The following DCP1A variants were observed in gnomAD, a reference collection of about 807,000 sequenced individuals.
DCP1A encodes the protein decapping mRNA 1A, also known as mRNA-decapping enzyme 1A.
DCP1A carries 20 observed loss-of-function variants against 58.0 expected under a neutral mutation model. The observed-to-expected ratio is 0.34, with a 90% CI of 0.24 to 0.50. The LOEUF (loss-of-function observed/expected upper bound fraction) is 0.50. Among genes scored for constraint, DCP1A ranks in the 20% least tolerant of loss-of-function variants. The pLI, the probability that DCP1A is intolerant of heterozygous loss-of-function variation, is 0.98. For synonymous variants in DCP1A, 285 were observed against 275.1 expected (o/e 1.04, Z -0.36); for missense variants, 613 against 712.2 (o/e 0.86, Z 1.59).
At chr3:53,313,093 G>T (rs1707698035) in intron 4 of DCP1A, among the ~76,000 whole-genome samples, 1 of 151,834 alleles carries the variant, frequency 6.6e-6, no homozygotes, top group East Asian at 1.9e-4. Flanking sequence ...GGAAAGTTTG[G>T]ATTGACACTG....
chr3:53,297,213 T>C (rs1190049502), intron 6 of DCP1A, among the ~76,000 whole-genome samples: 2 of 152,180 alleles, frequency 1.3e-5, no homozygotes, highest in African/African-American at 2.4e-5. Flanking sequence ...TATTGGCCAT[T>C]TGTATACCTT....
intron 3 of DCP1A, among the ~76,000 whole-genome samples, chr3:53,326,761 C>T (rs1708113782): frequency 6.6e-6 from 1 of 152,210 alleles, no homozygotes; most frequent in Admixed American, 6.5e-5. Flanking sequence ...ACTGATTCTA[C>T]ATGATGGTGA....
chr3:53,312,399 T>A lies in DCP1A; in HGVS notation c.372-20A>T, dbSNP rs782748316. Reference sequence around the variant, plus strand: ...ACCACACTAGAGGAGAAGAACAAGGTTTTAGAAAGGCCTCTTGAAACAAAA... The same window carrying A: ...ACCACACTAGAGGAGAAGAACAAGGATTTAGAAAGGCCTCTTGAAACAAAA... On this transcript the variant is annotated intron_variant, in intron 4 of 9. Coordinates refer to ENST00000610213, the MANE Select transcript of DCP1A (RefSeq NM_018403.7). 3 of 1,548,258 alleles carry A rather than the reference T, an allele frequency of 1.9e-6. No homozygotes were observed. In the South Asian group the frequency reaches 3.6e-5, roughly 19 times the overall value.
At position 53,292,794 on chromosome 3, in the gene DCP1A, C is replaced by T; in HGVS notation, c.658G>A (p.Glu220Lys). 1 of 1,610,856 alleles carries T rather than the reference C, an allele frequency of 6.2e-7. No homozygotes were observed. The highest frequency in any genetic ancestry group is 8.5e-7 in the Non-Finnish European group (1 of 1,179,824). ...GGCAAAGAGGTTCCAAATAACTCTT[C>T]TACCGTCAGATGCTTGTGTCCAGAT... Reference protein sequence around the residue: ...APSGHKHLTVEELFGTSLPKE... With the variant: ...APSGHKHLTVKELFGTSLPKE... The change falls in exon 7 of 10, where the codon GAA becomes AAA. Residue 220 changes from glutamate to lysine, a missense_variant. By Grantham distance (56) the Glu-to-Lys change is moderately conservative. Around this residue, in one of 3 missense-constraint regions of DCP1A, gnomAD observed 498 missense variants for 556.7 expected, o/e 0.89. Transcript: ENST00000610213.
chr3:53,290,885 G>A (rs3732834), intron 7 of DCP1A, 29 bp from the exon 8 acceptor site: 558,905 of 1,574,404 alleles, frequency 0.35, 101,558 homozygotes, highest in Admixed American at 0.48. Flanking sequence ...AAAGACAGAC[G>A]GATATAAGAA....
At chr3:53,309,756 C>T (rs1707588558) in intron 5 of DCP1A, among the ~76,000 whole-genome samples, 1 of 152,186 alleles carries the variant, frequency 6.6e-6, no homozygotes, top group African/African-American at 2.4e-5. Flanking sequence ...CAGAGAGACC[C>T]TGTCTGAAAA....
At chr3:53,336,895 G>A (rs1317411007) in intron 3 of DCP1A, among the ~76,000 whole-genome samples, 3 of 147,442 alleles carry the variant, frequency 2.0e-5, no homozygotes, top group Admixed American at 6.9e-5. Context: ...TATTGAGATG[G>A]AGTCTTGCTC....
intron 7 of DCP1A, among the ~76,000 whole-genome samples, chr3:53,291,828 T>C (rs1275521821): frequency 1.3e-5 from 2 of 152,148 alleles, no homozygotes; most frequent in Non-Finnish European, 2.9e-5. Context: ...CTGGAACTGC[T>C]GGGCAAAAGC....
intron 5 of DCP1A, among the ~76,000 whole-genome samples, chr3:53,309,415 G>A (rs1459784934): frequency 6.6e-6 from 1 of 151,192 alleles, no homozygotes; most frequent in East Asian, 1.9e-4. Context: ...TTATAGAAGT[G>A]CAATATCTTT....
At chr3:53,295,962 G>A (rs538705270) in intron 6 of DCP1A, among the ~76,000 whole-genome samples, 5 of 150,066 alleles carry the variant, frequency 3.3e-5, no homozygotes, top group South Asian at 4.2e-4. Context: ...GCGTGACCTC[G>A]GCTCACTGTA....
intron 2 of DCP1A, among the ~76,000 whole-genome samples, chr3:53,344,186 A>G (rs2089262428): frequency 6.6e-6 from 1 of 151,936 alleles, no homozygotes; most frequent in Non-Finnish European, 1.5e-5. Context: ...ACTCCTGCTG[A>G]CTCCCTAAGC....
At chr3:53,298,590 C>T (rs1553687038) in intron 6 of DCP1A, among the ~76,000 whole-genome samples, 1 of 152,168 alleles carries the variant, frequency 6.6e-6, no homozygotes, top group African/African-American at 2.4e-5. Context: ...AACAAAAGAA[C>T]CAGACTCCAA....
intron 4 of DCP1A, 124 bp from the exon 5 acceptor site, chr3:53,312,503 T>C (rs1707679117): frequency 9.6e-7 from 1 of 1,037,648 alleles, no homozygotes; most frequent in Middle Eastern, 2.2e-4. Flanking sequence ...TTCTTTTTTT[T>C]TTTTTTTTTT....
rs1706607187 is a variant in DCP1A, at chr3:53,285,687, G to A, written c.*1893C>T. 1 of 151,782 alleles carries A rather than the reference G, an allele frequency of 6.6e-6. No homozygotes were observed. Among genetic ancestry groups the A allele is most frequent in the African/African-American group, 2.4e-5 (1 of 41,282 alleles). The allele number at this position is 151,782 out of a possible 1,614,324, so 9.4% of individuals were successfully genotyped here. On this transcript the variant is annotated 3_prime_UTR_variant, in exon 10 of 10. Transcript: ENST00000610213. Reference sequence around the variant, plus strand: ...ATTACATACTCAAAAGCATAATTTCGATTCAAGAATCCCTTGATTCGTCTG... The same window carrying A: ...ATTACATACTCAAAAGCATAATTTCAATTCAAGAATCCCTTGATTCGTCTG...
chr3:53,310,847 A>G (rs1707622152), intron 5 of DCP1A, among the ~76,000 whole-genome samples: 1 of 152,236 alleles, frequency 6.6e-6, no homozygotes, highest in African/African-American at 2.4e-5. Context: ...CTTTGTTATC[A>G]GAATGTAGAA....
intron 3 of DCP1A, among the ~76,000 whole-genome samples, chr3:53,340,960 C>G (rs1238139946): frequency 6.6e-6 from 1 of 152,194 alleles, no homozygotes; most frequent in South Asian, 2.1e-4. Context: ...GTTGACTTAA[C>G]TGCCTGCTTA....
At chr3:53,342,632 TC>T (rs2089226393) in intron 2 of DCP1A, among the ~76,000 whole-genome samples, 1 of 152,190 alleles carries the variant, frequency 6.6e-6, no homozygotes, top group Non-Finnish European at 1.5e-5. Context: ...AAAAACCTCT[TC>T]CTGGATTACT....
At chr3:53,294,341 C>T (rs1346549272) in intron 6 of DCP1A, among the ~76,000 whole-genome samples, 1 of 152,108 alleles carries the variant, frequency 6.6e-6, no homozygotes, top group Non-Finnish European at 1.5e-5. Context: ...GAGTTGGTGG[C>T]TGGTCAGGTA....
Position 53,326,840 on chromosome 3 carries a change from T to C in DCP1A, c.305-7367A>G, listed in dbSNP as rs545674557. ...AAAGTACACAATAAATGTAATGTGT[T>C]TGAATCATCCTGAAACAATCCCCCA... is the stretch of plus-strand genomic sequence containing the variant. On this transcript the variant is annotated intron_variant, in intron 3 of 9. Coordinates refer to ENST00000610213, the MANE Select transcript of DCP1A (RefSeq NM_018403.7). Among the ~76,000 whole-genome samples the C allele has an allele frequency of 1.2e-4, 19 of 152,284 alleles. No individual in the cohort carries two copies. In the South Asian group the frequency reaches 3.1e-3, roughly 25 times the overall value.
Sources: allele counts gnomAD v4.1 joint callset (sites outside exome capture counted in the v4.1 genomes callset), GRCh38; gene constraint gnomAD v4.1.1; regional missense constraint gnomAD v4.1.1; transcripts MANE v1.5; gene names NCBI Gene and HGNC (gene_info 2026-07-23, HGNC 2026-07-21).